Variants in SLC19A1 observed in about 807,000 individuals in gnomAD.
SLC19A1 encodes the protein solute carrier family 19 member 1.
Under a neutral mutation model 35.3 loss-of-function variants are expected in SLC19A1, and 37 were observed. The observed-to-expected ratio is 1.05, with a 90% confidence interval of 0.81 to 1.38. The LOEUF (loss-of-function observed/expected upper bound fraction) is 1.38. SLC19A1 is among the 40% of genes most tolerant of loss of function. The probability of loss-of-function intolerance (pLI) is 0.00; values close to 1 mark genes in which losing one functional copy is unlikely to be tolerated. For synonymous variants in SLC19A1, 460 were observed against 398.5 expected, an observed-to-expected ratio of 1.15 and a Z score of -1.84; for missense variants, 831 against 826.9, an observed-to-expected ratio of 1.00 and a Z score of -0.06.
chr21:45,518,559 T>C lies in SLC19A1; in HGVS notation c.1294-2419A>G, dbSNP rs560561543. ...AACAAAATCACACCAACACATACCA[T>C]ATTCAAACTTCTATAAGCTAACGAT... is the stretch of plus-strand genomic sequence containing the variant. On this transcript the variant is annotated intron_variant, in intron 5 of 5. Coordinates refer to ENST00000311124, the MANE Select transcript of SLC19A1 (RefSeq NM_194255.4). Among the ~76,000 whole-genome samples the C allele has an allele frequency of 1.7e-4, 26 of 152,254 alleles. 1 individual carries two copies. The East Asian group carries it at 5.0e-3, about 29-fold the overall frequency.
intron 3 of SLC19A1, chr21:45,504,561 G>T (rs1406061421): frequency 6.4e-7 from 1 of 1,565,278 alleles, no homozygotes; most frequent in South Asian, 1.2e-5. Flanking sequence ...ATTCCAGTAA[G>T]TCCCAGCCTG....
chr21:45,505,113 G>A (rs529342304), intron 3 of SLC19A1: 40 of 1,605,150 alleles, frequency 2.5e-5, no homozygotes, highest in Middle Eastern at 1.7e-4. Context: ...ACCAGGAAGC[G>A]TCTCTTGTCG....
chr21:45,503,341 A>G (rs1176063575), intron 3 of SLC19A1, among the ~76,000 whole-genome samples: 1 of 151,706 alleles, frequency 6.6e-6, no homozygotes. Flanking sequence ...GCATTTTTTC[A>G]TGTGTTTTTT....
At chr21:45,560,835 G>A (rs546993565) in intron 1 of SLC19A1, among the ~76,000 whole-genome samples, 40 of 152,340 alleles carry the variant, frequency 2.6e-4, no homozygotes, top group African/African-American at 7.9e-4. Context: ...CCCGAGCCCC[G>A]GAGAATCGGC....
chr21:45,537,454 G>A (rs1361918527), intron 2 of SLC19A1, among the ~76,000 whole-genome samples: 2 of 149,934 alleles, frequency 1.3e-5, no homozygotes, highest in African/African-American at 5.0e-5. Context: ...GCCTATTCCA[G>A]AAGCTGCTCC....
At chr21:45,525,758 C>T in intron 5 of SLC19A1, 59 bp downstream of exon 5, 2 of 1,588,924 alleles carry the variant, frequency 1.3e-6, no homozygotes, top group South Asian at 2.3e-5. Context: ...CAGGAGGCCT[C>T]AACAATGTCC....
At chr21:45,553,351 C>T (rs887475989) in intron 1 of SLC19A1, among the ~76,000 whole-genome samples, 1 of 151,872 alleles carries the variant, frequency 6.6e-6, no homozygotes, top group Admixed American at 6.6e-5. Flanking sequence ...CATGAGGGTC[C>T]CCGGGATAAA....
rs1328154217 is a variant in SLC19A1 at position 45,540,114 on chromosome 21, G to A, written c.-49-2106C>T. Reference sequence around the variant, plus strand: ...CTGGGAAGATCAGTGCACAAAGGTTGGGCTCCATCACCAGGGACCCTGATG... The same window carrying A: ...CTGGGAAGATCAGTGCACAAAGGTTAGGCTCCATCACCAGGGACCCTGATG... On this transcript the variant is annotated intron_variant, in intron 1 of 5. Coordinates refer to ENST00000311124, the MANE Select transcript of SLC19A1 (RefSeq NM_194255.4). The surrounding 1 kb of genome is among the most constrained non-coding windows in gnomAD (Gnocchi z 5.5). Among the ~76,000 whole-genome samples the A allele has an allele frequency of 6.6e-6, 1 of 152,114 alleles. No individual in the cohort carries two copies. Among genetic ancestry groups the A allele is most frequent in the African/African-American group, 2.4e-5 (1 of 41,412 alleles).
At chr21:45,512,139 C>T (rs1207927735), downstream of SLC19A1, 2 of 1,570,520 alleles carry the variant, frequency 1.3e-6, no homozygotes, top group South Asian at 2.3e-5. Flanking sequence ...GGCCTCTGCC[C>T]TAAGCAGAGC....
At chr21:45,505,684 T>C (rs979890603) in intron 3 of SLC19A1, among the ~76,000 whole-genome samples, 3 of 151,820 alleles carry the variant, frequency 2.0e-5, no homozygotes, top group African/African-American at 7.3e-5. Context: ...CAGGCAGGGG[T>C]CCCCATGGTG....
rs746051891 is a variant in SLC19A1, at chr21:45,531,674, T to C, written c.664A>G (p.Thr222Ala). 5.6e-6 allele frequency: 9 copies of C among 1,612,356 alleles called. No individual in the cohort carries two copies. The South Asian group carries it at 9.9e-5, about 18-fold the overall frequency. The change falls in exon 3 of 6, where the codon ACC (threonine) becomes GCC (alanine). Residue 222 changes from threonine (T) to alanine (A), a missense_variant. Transcript: ENST00000311124. ...ATGCGCTCCAGCTCCGAAGCCGAGGTTTCGCACCGCCCCCGGTCGTCGCGG... is the reference window on the plus strand; with the variant it reads ...ATGCGCTCCAGCTCCGAAGCCGAGGCTTCGCACCGCCCCCGGTCGTCGCGG... ...FNRDDRGRCETSASELERMNP... is the reference protein window; with the variant it reads ...FNRDDRGRCEASASELERMNP...
intron 4 of SLC19A1, among the ~76,000 whole-genome samples, chr21:45,529,385 G>A (rs989581539): frequency 2.0e-5 from 3 of 152,186 alleles, no homozygotes; most frequent in Non-Finnish European, 2.9e-5. Context: ...GATGACCCAC[G>A]GAGGGAGGGA....
chr21:45,555,433 T>G (rs1378580537), intron 1 of SLC19A1, among the ~76,000 whole-genome samples: 85 of 35,416 alleles, frequency 2.4e-3, no homozygotes, highest in South Asian at 6.8e-3. Flanking sequence ...CCGTGGGGGG[T>G]GTTGGGGGCG....
At position 45,538,577 on chromosome 21, in the gene SLC19A1, C is replaced by T. The variant is rs555028389; in HGVS notation, c.-49-569G>A. 1.2e-4 allele frequency among the ~76,000 whole-genome samples: 19 copies of T among 152,322 alleles called. No individual in the cohort carries two copies. In the South Asian group the frequency reaches 3.1e-3, roughly 25 times the overall value. On this transcript the variant is annotated intron_variant, in intron 1 of 5. Coordinates refer to ENST00000311124, the MANE Select transcript of SLC19A1 (RefSeq NM_194255.4). ...ACCAGCCTCAGGTCCCCATCAGCCG[C>T]GTGCCCTGGCAGGAGGGCGTGCAGG...
intron 3 of SLC19A1, chr21:45,505,579 G>T: frequency 1.5e-6 from 1 of 679,562 alleles, no homozygotes; most frequent in Non-Finnish European, 2.6e-6. Flanking sequence ...AGCGGGGCCA[G>T]GCCATGGGGG....
At chr21:45,505,622 C>T (rs932914224) in intron 3 of SLC19A1, among the ~76,000 whole-genome samples, 13 of 152,148 alleles carry the variant, frequency 8.5e-5, no homozygotes, top group African/African-American at 2.4e-4. Context: ...GACCACCAGC[C>T]GGGAAGTGCC....
downstream of SLC19A1, among the ~76,000 whole-genome samples, chr21:45,508,990 C>T (rs2037412345): frequency 6.6e-6 from 1 of 152,070 alleles, no homozygotes; most frequent in African/African-American, 2.4e-5. Flanking sequence ...CTGAGGGAGA[C>T]AGAGCAAGGC....
At chr21:45,510,146 C>T (rs1425637945), downstream of SLC19A1, 12 of 1,599,036 alleles carry the variant, frequency 7.5e-6, no homozygotes, top group East Asian at 2.3e-5. Flanking sequence ...TTCCAGCAGG[C>T]GCGGGCCGTG....
intron 1 of SLC19A1, among the ~76,000 whole-genome samples, chr21:45,553,257 G>A (rs1285696329): frequency 6.6e-6 from 1 of 151,930 alleles, no homozygotes; most frequent in Admixed American, 6.5e-5. Flanking sequence ...CTAAGGGGAC[G>A]GGAGCCGCTG....
Sources: gnomAD v4.1 joint callset for allele counts (sites outside exome capture counted in the v4.1 genomes callset) on GRCh38, gnomAD v4.1.1 for gene constraint, Gnocchi (gnomAD v3.1) non-coding constraint, MANE v1.5 for transcripts, NCBI Gene and HGNC (gene_info 2026-07-23, HGNC 2026-07-21) for gene names.